The following FSTL5 variants were observed in gnomAD, a reference collection of about 807,000 sequenced individuals.
FSTL5 encodes the protein follistatin like 5.
A neutral mutation model predicts 89.1 loss-of-function variants in FSTL5; 62 were observed. The observed-to-expected ratio is 0.70, with a 90% CI of 0.57 to 0.86. The LOEUF (loss-of-function observed/expected upper bound fraction) is 0.86, where lower values mean the gene tolerates loss of function less well. FSTL5 is among the 40% of genes least tolerant of loss of function. FSTL5 has a pLI of 0.00. For synonymous variants in FSTL5, 383 were observed against 346.2 expected (o/e 1.11, Z -1.18); for missense variants, 1,057 against 1,001.6 (o/e 1.06, Z -0.75).
intron 15 of FSTL5, among the ~76,000 whole-genome samples, chr4:161,440,454 T>A (rs1422525486): frequency 1.3e-5 from 2 of 152,012 alleles, no homozygotes; most frequent in Admixed American, 6.6e-5. Flanking sequence ...TTTTGTGATA[T>A]CTCCCACAAC....
intron 6 of FSTL5, among the ~76,000 whole-genome samples, chr4:161,755,379 T>G (rs944540932): frequency 1.3e-5 from 2 of 152,116 alleles, no homozygotes; most frequent in Non-Finnish European, 2.9e-5. Context: ...AAACACTTGA[T>G]AATATGCTAT....
At chr4:161,547,397 T>C (rs927871416) in intron 8 of FSTL5, among the ~76,000 whole-genome samples, 1 of 151,976 alleles carries the variant, frequency 6.6e-6, no homozygotes, top group African/African-American at 2.4e-5. Flanking sequence ...ACTAGTATTT[T>C]AGCTAATTTA....
intron 2 of FSTL5, among the ~76,000 whole-genome samples, chr4:162,074,213 A>G (rs1729743032): frequency 6.6e-6 from 1 of 151,782 alleles, no homozygotes. Flanking sequence ...CCTTTTCTGA[A>G]AGAAAGTCTT....
At chr4:161,728,338 G>A (rs1739491897) in intron 6 of FSTL5, among the ~76,000 whole-genome samples, 1 of 152,052 alleles carries the variant, frequency 6.6e-6, no homozygotes, top group Admixed American at 6.6e-5. Flanking sequence ...ATGGAAACGG[G>A]GGCATTTGGA....
chr4:161,677,168 T>C (rs114045881), intron 6 of FSTL5, among the ~76,000 whole-genome samples: 3,058 of 152,030 alleles, frequency 0.02, 43 homozygotes, highest in South Asian at 0.045. Flanking sequence ...AAATGCTCTT[T>C]TGAAACTACA....
chr4:162,090,076 A>G (rs554279903), intron 2 of FSTL5, among the ~76,000 whole-genome samples: 25 of 152,244 alleles, frequency 1.6e-4, no homozygotes, highest in African/African-American at 5.5e-4. Context: ...TCCTTACACC[A>G]TATACAAAAG....
chr4:161,903,898 C>G (rs1264260885), intron 4 of FSTL5, among the ~76,000 whole-genome samples: 1 of 151,768 alleles, frequency 6.6e-6, no homozygotes, highest in African/African-American at 2.4e-5. Context: ...AGTCTTCAGT[C>G]CTTGTTTCAA....
chr4:162,093,777 C>A (rs4691813), intron 2 of FSTL5, among the ~76,000 whole-genome samples: 3 of 151,988 alleles, frequency 2.0e-5, no homozygotes, highest in Non-Finnish European at 4.4e-5. Flanking sequence ...AATTTACAAT[C>A]GAATAATGAC....
intron 4 of FSTL5, among the ~76,000 whole-genome samples, chr4:161,776,641 A>T (rs1258288980): frequency 6.6e-6 from 1 of 151,234 alleles, no homozygotes; most frequent in African/African-American, 2.4e-5. Flanking sequence ...ATTTGCATTG[A>T]TGACATTCAC....
At chr4:162,129,484 C>T (rs531925857) in intron 1 of FSTL5, among the ~76,000 whole-genome samples, 1 of 152,128 alleles carries the variant, frequency 6.6e-6, no homozygotes, top group Non-Finnish European at 1.5e-5. Flanking sequence ...TGTTACATAG[C>T]AAGTTCTTAA....
intron 1 of FSTL5, among the ~76,000 whole-genome samples, chr4:162,128,096 C>T (rs1272749804): frequency 8.7e-6 from 1 of 115,250 alleles, no homozygotes; most frequent in Non-Finnish European, 2.1e-5. Flanking sequence ...TTGAAAGACA[C>T]CTTAGAATTT....
intron 5 of FSTL5, among the ~76,000 whole-genome samples, chr4:161,771,776 T>A (rs916548991): frequency 1.3e-5 from 2 of 152,184 alleles, no homozygotes; most frequent in African/African-American, 4.8e-5. Context: ...AGTTTAAAAT[T>A]TCAGCTGGGC....
rs3749598 is a variant in FSTL5 at position 161,386,160 on chromosome 4, C to A, written c.2131G>T (p.Asp711Tyr). The A allele has an allele frequency of 0.1, 163,876 of 1,613,794 alleles. 9,154 individuals carry two copies. The highest frequency in any genetic ancestry group is 0.14 in the Admixed American group (8,294 of 59,952). ...PDGHYLVSIN[D>Y]VKGLVRVQYI... ...TGAACCCTTACAAGACCTTTCACAT[C>A]ATTAATGCTGACAAGGTAGTGGCCA... is the stretch of plus-strand genomic sequence containing the variant. The change falls in exon 16 of 16, where the codon GAT becomes TAT. Residue 711 changes from aspartate (D) to tyrosine (Y), a missense_variant. Transcript: ENST00000306100.
At chr4:161,976,026 G>A (rs62329560) in intron 3 of FSTL5, among the ~76,000 whole-genome samples, 61,342 of 148,706 alleles carry the variant, frequency 0.41, 12,978 homozygotes, top group East Asian at 0.58. Flanking sequence ...GCTGAGGCAG[G>A]AGAATCGCGT....
At chr4:161,947,101 T>C (rs1437593683) in intron 3 of FSTL5, among the ~76,000 whole-genome samples, 2 of 151,728 alleles carry the variant, frequency 1.3e-5, no homozygotes, top group African/African-American at 4.8e-5. Context: ...AGAAGTTTGT[T>C]ATATAGACAT....
At chr4:162,045,526 TAA>T (rs1373553855) in intron 2 of FSTL5, among the ~76,000 whole-genome samples, 2 of 152,086 alleles carry the variant, frequency 1.3e-5, no homozygotes, top group African/African-American at 4.8e-5. Context: ...TAAAAATTTT[TAA>T]AGAGATCACT....
chr4:161,729,906 C>T (rs574187694), intron 6 of FSTL5, among the ~76,000 whole-genome samples: 16 of 152,282 alleles, frequency 1.1e-4, no homozygotes, highest in African/African-American at 3.4e-4. Flanking sequence ...CAGTGTACTA[C>T]GTGCCAGGCA....
intron 7 of FSTL5, among the ~76,000 whole-genome samples, chr4:161,593,493 A>G (rs1210543634): frequency 6.6e-6 from 1 of 151,778 alleles, no homozygotes; most frequent in East Asian, 1.9e-4. Flanking sequence ...AGAAAAAAAG[A>G]TCAGAGAAGA....
At chr4:161,772,247 G>C (rs1049466667) in intron 5 of FSTL5, among the ~76,000 whole-genome samples, 4 of 152,012 alleles carry the variant, frequency 2.6e-5, no homozygotes, top group African/African-American at 4.8e-5. Context: ...TTTTACTTAT[G>C]ACTGGCTGTA....
Sources: gnomAD v4.1 joint callset for allele counts (sites outside exome capture counted in the v4.1 genomes callset) on GRCh38, gnomAD v4.1.1 for gene constraint, MANE v1.5 for transcripts, NCBI Gene and HGNC (gene_info 2026-07-23, HGNC 2026-07-21) for gene names.